Variants in FAM171B observed in about 807,000 individuals in gnomAD.
FAM171B encodes the protein family with sequence similarity 171 member B.
In FAM171B, 19 loss-of-function variants were observed where a neutral mutation model predicts 75.6. The ratio of observed to expected loss-of-function variants is 0.25; its 90% CI spans 0.18 to 0.37. The LOEUF is 0.37. Ranked by LOEUF, FAM171B falls within the 10% of genes least tolerant of loss-of-function variation. The probability of loss-of-function intolerance (pLI) is 1.00; values close to 1 mark genes in which losing one functional copy is unlikely to be tolerated. For synonymous variants in FAM171B, 367 were observed against 361.7 expected (o/e 1.01, Z -0.17); for missense variants, 848 against 982.4 (o/e 0.86, Z 1.83).
At position 186,762,045 on chromosome 2, in the gene FAM171B, T is replaced by C. The variant is rs1690625766; in HGVS notation, c.1703T>C (p.Leu568Ser). 1 of 1,613,740 alleles carries C rather than the reference T, an allele frequency of 6.2e-7. No homozygotes were observed. The highest frequency in any genetic ancestry group is 2.2e-5 in the East Asian group (1 of 44,870). Residue 568 changes from leucine (L) to serine (S), a missense_variant, in exon 8 of 8, where the codon TTA becomes TCA. By Grantham distance (145) the Leu-to-Ser change is moderately radical. Transcript: ENST00000304698. This position sits in a 1 kb window ranked among gnomAD's most constrained non-coding sequence, Gnocchi z 4.0. Reference protein sequence around the residue: ...KSATLPRKGQLVYGQLMEPVN... With the variant: ...KSATLPRKGQSVYGQLMEPVN... ...GCTACTTTGCCAAGAAAGGGACAGT[T>C]AGTCTATGGCCAATTGATGGAACCA... is the stretch of plus-strand genomic sequence containing the variant.
chr2:186,750,446 A>G (rs1427011145), intron 4 of FAM171B, among the ~76,000 whole-genome samples: 1 of 152,154 alleles, frequency 6.6e-6, no homozygotes, highest in African/African-American at 2.4e-5. Context: ...CAAGCTTTGA[A>G]GTCTAGTATT....
chr2:186,747,106 C>T lies in FAM171B; in HGVS notation c.580C>T (p.Pro194Ser), dbSNP rs778135655. The change falls in exon 4 of 8, where the codon CCA becomes TCA. Residue 194 changes from proline (P) to serine (S), a missense_variant. Physicochemically the swap from Pro to Ser is moderately conservative, Grantham distance 74. Around this residue, in one of 3 missense-constraint regions of FAM171B, gnomAD observed 665 missense variants for 729.0 expected, o/e 0.91. Transcript: ENST00000304698. Reference protein sequence around the residue: ...TGKLADAKSQPSVQFSKALIK... With the variant: ...TGKLADAKSQSSVQFSKALIK... ...CTTTTTTCCAGATGCCAAGTCTCAA[C>T]CAAGTGTTCAGTTTTCAAAAGCCTT... 5 of 1,590,718 alleles carry T rather than the reference C, an allele frequency of 3.1e-6. No individual in the cohort carries two copies. Among genetic ancestry groups the T allele is most frequent in the Non-Finnish European group, 4.3e-6 (5 of 1,170,790 alleles).
At position 186,762,450 on chromosome 2, in the gene FAM171B, C is replaced by G; in HGVS notation, c.2108C>G (p.Thr703Ser). The G allele has an allele frequency of 6.2e-7, 1 of 1,613,552 alleles. No homozygotes were observed. Reference sequence around the variant, plus strand: ...GGCAAGAGAACCCAGAGCAATGACACCAGTCTGGACTCTGGGGTGGACATG... The same window carrying G: ...GGCAAGAGAACCCAGAGCAATGACAGCAGTCTGGACTCTGGGGTGGACATG... ...KKGKRTQSND[T>S]SLDSGVDMNE... The change falls in exon 8 of 8, where the codon ACC (threonine) becomes AGC (serine). Residue 703 changes from threonine to serine, a missense_variant. Thr to Ser is a moderately conservative substitution (Grantham distance 58). This residue lies in a region of FAM171B where 136 missense variants were observed against 159.3 expected (regional missense o/e 0.85). Transcript: ENST00000304698. This position sits in a 1 kb window ranked among gnomAD's most constrained non-coding sequence, Gnocchi z 4.0.
chr2:186,726,196 C>T (rs1690030918), intron 1 of FAM171B, among the ~76,000 whole-genome samples: 1 of 152,096 alleles, frequency 6.6e-6, no homozygotes. Context: ...TCATTAATTT[C>T]TTCTTAGAAT....
intron 1 of FAM171B, among the ~76,000 whole-genome samples, chr2:186,701,375 C>T (rs577417333): frequency 6.6e-6 from 1 of 152,250 alleles, no homozygotes; most frequent in East Asian, 1.9e-4. Flanking sequence ...CCAAAACCTA[C>T]TCTCACCAAA....
intron 1 of FAM171B, among the ~76,000 whole-genome samples, chr2:186,736,404 G>GT (rs1013671245): frequency 4.6e-5 from 7 of 151,834 alleles, no homozygotes; most frequent in African/African-American, 1.2e-4. Context: ...CTTCCATGAG[G>GT]TTTTTTTTGA....
At chr2:186,739,799 C>CGTA (rs766550462) in intron 1 of FAM171B, among the ~76,000 whole-genome samples, 4 of 152,224 alleles carry the variant, frequency 2.6e-5, no homozygotes, top group South Asian at 4.1e-4. Flanking sequence ...AAACCAGTAA[C>CGTA]GTAATCTATT....
At chr2:186,730,326 G>A (rs1416284861) in intron 1 of FAM171B, among the ~76,000 whole-genome samples, 1 of 152,208 alleles carries the variant, frequency 6.6e-6, no homozygotes, top group Admixed American at 6.5e-5. Context: ...TGTGTATTAG[G>A]ATGAAATTGG....
chr2:186,728,869 G>A (rs73979352), intron 1 of FAM171B, among the ~76,000 whole-genome samples: 1,548 of 152,264 alleles, frequency 0.01, 32 homozygotes, highest in African/African-American at 0.034. Flanking sequence ...TTGAAAAGAA[G>A]TGGGATTGTG....
intron 6 of FAM171B, among the ~76,000 whole-genome samples, 184 bp downstream of exon 6, chr2:186,754,233 G>C (rs1306238496): frequency 6.6e-6 from 1 of 151,932 alleles, no homozygotes; most frequent in Non-Finnish European, 1.5e-5. Flanking sequence ...GAACTCTAAG[G>C]TCTCTTATAG....
Position 186,762,071 on chromosome 2 carries a change from G to A in FAM171B, c.1729G>A (p.Val577Ile), listed in dbSNP as rs1402641793. The change falls in exon 8 of 8, where the codon GTA becomes ATA. Residue 577 changes from valine (V) to isoleucine (I), a missense_variant. By Grantham distance (29) the Val-to-Ile change is conservative (BLOSUM62 3). Around this residue, in one of 3 missense-constraint regions of FAM171B, gnomAD observed 665 missense variants for 729.0 expected, o/e 0.91. Coordinates refer to ENST00000304698, the MANE Select transcript of FAM171B (RefSeq NM_177454.4). The surrounding 1 kb of genome is among the most constrained non-coding windows in gnomAD (Gnocchi z 4.0). ...QLVYGQLMEP[V>I]NRENFTQTLP... is the part of the protein sequence containing the mutation. ...AGTCTATGGCCAATTGATGGAACCA[G>A]TAAATCGAGAGAACTTTACGCAGAC... 1 of 1,613,622 alleles carries A rather than the reference G, an allele frequency of 6.2e-7. No individual in the cohort carries two copies. The highest frequency in any genetic ancestry group is 8.5e-7 in the Non-Finnish European group (1 of 1,179,810).
intron 1 of FAM171B, among the ~76,000 whole-genome samples, chr2:186,729,041 T>C: frequency 6.6e-6 from 1 of 152,220 alleles, no homozygotes; most frequent in African/African-American, 2.4e-5. Context: ...TATTCCTTTA[T>C]ACCTATTTAT....
At chr2:186,700,999 C>T (rs745616010) in intron 1 of FAM171B, among the ~76,000 whole-genome samples, 1 of 152,050 alleles carries the variant, frequency 6.6e-6, no homozygotes. Context: ...ACTCTGCAAC[C>T]TCTGCGTCCC....
chr2:186,703,533 T>C (rs752312325), intron 1 of FAM171B, among the ~76,000 whole-genome samples: 2 of 152,202 alleles, frequency 1.3e-5, no homozygotes, highest in African/African-American at 2.4e-5. Flanking sequence ...TTTTTAATAA[T>C]AGGAACATGA....
At chr2:186,760,972 C>A in intron 6 of FAM171B, 141 bp from the exon 7 acceptor site, 1 of 804,664 alleles carries the variant, frequency 1.2e-6, no homozygotes, top group Non-Finnish European at 1.9e-6. Context: ...GTTTACTTCA[C>A]CCATAGGGAA....
intron 1 of FAM171B, among the ~76,000 whole-genome samples, chr2:186,729,381 G>A (rs1194088366): frequency 4.0e-5 from 6 of 151,834 alleles, no homozygotes; most frequent in Admixed American, 1.3e-4. Context: ...AAGCACCTCC[G>A]GCTGAAAATC....
intron 1 of FAM171B, among the ~76,000 whole-genome samples, chr2:186,734,798 TG>T (rs1387365121): frequency 6.6e-6 from 1 of 152,260 alleles, no homozygotes; most frequent in East Asian, 1.9e-4. Context: ...TGGCCATGAG[TG>T]CCCAAAGTCC....
At chr2:186,705,761 C>T (rs1689725408) in intron 1 of FAM171B, among the ~76,000 whole-genome samples, 1 of 152,132 alleles carries the variant, frequency 6.6e-6, no homozygotes, top group African/African-American at 2.4e-5. Flanking sequence ...CCAATCCAAC[C>T]AGAAGGCTCT....
intron 3 of FAM171B, among the ~76,000 whole-genome samples, chr2:186,744,979 T>C (rs1399464663): frequency 2.6e-5 from 4 of 151,970 alleles, no homozygotes; most frequent in Non-Finnish European, 5.9e-5. Context: ...CACAGGCGTG[T>C]ACCACCACGC....
Sources: gnomAD v4.1 joint callset for allele counts (sites outside exome capture counted in the v4.1 genomes callset) on GRCh38, gnomAD v4.1.1 for gene constraint, gnomAD v4.1.1 regional missense constraint, Gnocchi (gnomAD v3.1) non-coding constraint, MANE v1.5 for transcripts, NCBI Gene and HGNC (gene_info 2026-07-23, HGNC 2026-07-21) for gene names.